The following HEATR5A variants were observed in gnomAD, a reference collection of about 807,000 sequenced individuals.
HEATR5A encodes the protein HEAT repeat containing 5A.
In HEATR5A, 178 loss-of-function variants were observed where a neutral mutation model predicts 218.8. The ratio of observed to expected loss-of-function variants is 0.81; its 90% CI spans 0.72 to 0.92. The LOEUF is 0.92. Among genes scored for constraint, HEATR5A ranks in the 40% least tolerant of loss-of-function variants. HEATR5A has a pLI of 0.00. For synonymous variants in HEATR5A, 864 were observed against 871.6 expected (o/e 0.99, Z 0.15); for missense variants, 2,420 against 2,418.9 (o/e 1.00, Z -0.01).
intron 1 of HEATR5A, among the ~76,000 whole-genome samples, chr14:31,414,685 G>T (rs530067713): frequency 6.6e-6 from 1 of 152,166 alleles, no homozygotes; most frequent in East Asian, 1.9e-4. Flanking sequence ...CCAAGTTTAG[G>T]CATTAGACTC....
intron 1 of HEATR5A, among the ~76,000 whole-genome samples, chr14:31,409,930 A>C (rs1242698837): frequency 6.6e-6 from 1 of 152,178 alleles, no homozygotes; most frequent in Non-Finnish European, 1.5e-5. Flanking sequence ...TTGGGAGAAA[A>C]AAGTATTCTA....
At chr14:31,337,876 A>G (rs1900718669) in intron 21 of HEATR5A, among the ~76,000 whole-genome samples, 1 of 152,234 alleles carries the variant, frequency 6.6e-6, no homozygotes, top group African/African-American at 2.4e-5. Context: ...CAGTGTCAGA[A>G]GGCAGAATTT....
At chr14:31,353,168 C>T (rs756412461) in intron 16 of HEATR5A, among the ~76,000 whole-genome samples, 2 of 151,646 alleles carry the variant, frequency 1.3e-5, no homozygotes, top group African/African-American at 4.8e-5. Flanking sequence ...ATTTTGACAT[C>T]TTTGTTCTTT....
At chr14:31,330,857 C>T (rs1381567192) in intron 22 of HEATR5A, among the ~76,000 whole-genome samples, 1 of 151,642 alleles carries the variant, frequency 6.6e-6, no homozygotes, top group Admixed American at 6.6e-5. Context: ...GCTTGAATTT[C>T]TCCCCAGAAA....
intron 33 of HEATR5A, among the ~76,000 whole-genome samples, chr14:31,298,203 C>A (rs1216637945): frequency 6.6e-6 from 1 of 152,128 alleles, no homozygotes; most frequent in African/African-American, 2.4e-5. Flanking sequence ...CTAAACTGCT[C>A]CTAATCCTGG....
At chr14:31,372,247 A>G (rs1001064157) in intron 12 of HEATR5A, among the ~76,000 whole-genome samples, 1 of 151,914 alleles carries the variant, frequency 6.6e-6, no homozygotes, top group African/African-American at 2.4e-5. Flanking sequence ...CAGCTCTACA[A>G]CTAGTTCCGT....
At chr14:31,390,509 A>G (rs1401862027) in intron 6 of HEATR5A, among the ~76,000 whole-genome samples, 1 of 152,244 alleles carries the variant, frequency 6.6e-6, no homozygotes, top group Non-Finnish European at 1.5e-5. Flanking sequence ...TTTTTATTAG[A>G]AAAACTCAAA....
chr14:31,410,738 A>G (rs940082956), intron 1 of HEATR5A, among the ~76,000 whole-genome samples: 1 of 152,194 alleles, frequency 6.6e-6, no homozygotes, highest in Non-Finnish European at 1.5e-5. Flanking sequence ...TCTTGTCTGT[A>G]TCAATTCCAT....
chr14:31,324,355 C>T (rs765657782), intron 23 of HEATR5A, among the ~76,000 whole-genome samples: 3 of 152,186 alleles, frequency 2.0e-5, no homozygotes, highest in Non-Finnish European at 4.4e-5. Context: ...ATTATCTCCT[C>T]TACTTATTAA....
intron 13 of HEATR5A, among the ~76,000 whole-genome samples, chr14:31,368,642 G>C (rs915528934): frequency 1.3e-5 from 2 of 151,998 alleles, no homozygotes; most frequent in Admixed American, 1.3e-4. Context: ...AATCATTCCC[G>C]CCTCAGCCTC....
At position 31,364,311 on chromosome 14, in the gene HEATR5A, G is replaced by A; in HGVS notation, c.1962-13C>T. ...TATTGAAGAAAGCCTTAAAATAAAAGAAAAAGTGTATCTTAAGTGGTTAAG... is the reference window on the plus strand; with the variant it reads ...TATTGAAGAAAGCCTTAAAATAAAAAAAAAAGTGTATCTTAAGTGGTTAAG... On this transcript the variant is annotated splice_polypyrimidine_tract_variant and intron_variant, in intron 13 of 35. Coordinates refer to ENST00000543095, the MANE Select transcript of HEATR5A (RefSeq NM_015473.4). 7.4e-7 allele frequency: 1 copy of A among 1,345,866 alleles called. No individual in the cohort carries two copies. The highest frequency in any genetic ancestry group is 2.3e-5 in the Admixed American group (1 of 43,720). The allele number at this position is 1,345,866 out of a possible 1,614,324, so 83.4% of individuals were successfully genotyped here. A position where few individuals can be genotyped will look rare whatever the true frequency, so the allele number is the denominator to read the frequency against.
intron 4 of HEATR5A, among the ~76,000 whole-genome samples, chr14:31,398,337 T>A (rs1191653363): frequency 2.0e-5 from 3 of 152,178 alleles, no homozygotes; most frequent in African/African-American, 7.2e-5. Context: ...TAGTCCCTGG[T>A]GACAAGCAGT....
At chr14:31,400,196 G>A in intron 3 of HEATR5A, 105 bp downstream of exon 3, 1 of 652,096 alleles carries the variant, frequency 1.5e-6, no homozygotes, top group South Asian at 2.5e-5. Context: ...GTAAAACTGA[G>A]TTTGCATTCA....
chr14:31,309,330 T>C, intron 28 of HEATR5A, 148 bp from the exon 29 acceptor site: 2 of 739,032 alleles, frequency 2.7e-6, no homozygotes, highest in Non-Finnish European at 4.3e-6. Context: ...AGGCAACTAC[T>C]TTCTAGTTTT....
intron 22 of HEATR5A, among the ~76,000 whole-genome samples, chr14:31,330,134 C>T (rs1900413781): frequency 6.6e-6 from 1 of 152,228 alleles, no homozygotes; most frequent in South Asian, 2.1e-4. Flanking sequence ...GAGGGCTTCA[C>T]CCCTGCAGCA....
At chr14:31,375,599 C>T (rs183326218) in intron 11 of HEATR5A, among the ~76,000 whole-genome samples, 4 of 152,050 alleles carry the variant, frequency 2.6e-5, no homozygotes, top group East Asian at 3.9e-4. Flanking sequence ...GATGGGGTCT[C>T]GCCATGTTTC....
At chr14:31,302,581 G>T (rs1899419706) in intron 32 of HEATR5A, 62 bp from the exon 33 acceptor site, 3 of 1,116,310 alleles carry the variant, frequency 2.7e-6, no homozygotes, top group Non-Finnish European at 3.9e-6. Context: ...TTTCTAAAAA[G>T]AAATCATCAA....
intron 3 of HEATR5A, among the ~76,000 whole-genome samples, chr14:31,399,360 A>T (rs535863495): frequency 1.8e-4 from 27 of 152,368 alleles, no homozygotes; most frequent in African/African-American, 6.5e-4. Flanking sequence ...TTTGTTACAA[A>T]ATTCTACAAA....
At chr14:31,372,087 T>C (rs1566772191) in intron 12 of HEATR5A, among the ~76,000 whole-genome samples, 178 bp from the exon 13 acceptor site, 1 of 150,258 alleles carries the variant, frequency 6.7e-6, no homozygotes, top group African/African-American at 2.5e-5. Flanking sequence ...TAATCATACT[T>C]AAAAAAACAA....
Sources: allele counts gnomAD v4.1 joint callset (sites outside exome capture counted in the v4.1 genomes callset), GRCh38; gene constraint gnomAD v4.1.1; transcripts MANE v1.5; gene names NCBI Gene and HGNC (gene_info 2026-07-23, HGNC 2026-07-21).